The following NRG4 variants were observed in gnomAD, a reference collection of about 807,000 sequenced individuals.
NRG4 encodes the protein pro-neuregulin-4, membrane-bound isoform.
In NRG4, 10 loss-of-function variants were observed where a neutral mutation model predicts 15.0. The ratio of observed to expected loss-of-function variants is 0.67; its 90% CI spans 0.41 to 1.13. The LOEUF (loss-of-function observed/expected upper bound fraction) is 1.13. Among genes scored for constraint, NRG4 ranks in the 50% most tolerant of loss-of-function variants. The pLI is 0.00. For synonymous variants in NRG4, 41 were observed against 50.1 expected (o/e 0.82, Z 0.77); for missense variants, 139 against 140.2 (o/e 0.99, Z 0.04).
chr15:76,011,267 G>A lies in NRG4; in HGVS notation c.-37C>T. 2.1e-6 allele frequency: 3 copies of A among 1,422,994 alleles called. No individual in the cohort carries two copies. The highest frequency in any genetic ancestry group is 2.8e-6 in the Non-Finnish European group (3 of 1,079,480). 88.1% of individuals were successfully genotyped at this position (1,422,994 alleles called of 1,614,324 possible). ...AATAGTTTCATTCTTGGTCAAGAGA[G>A]TAGGGTTGAAAAACAGTACCTAAAA... On this transcript the variant is annotated 5_prime_UTR_variant, in exon 2 of 6. Transcript: ENST00000394907.
At chr15:75,967,848 T>A (rs2032890435) in intron 3 of NRG4, among the ~76,000 whole-genome samples, 1 of 152,208 alleles carries the variant, frequency 6.6e-6, no homozygotes, top group South Asian at 2.1e-4. Flanking sequence ...ATGAACTACA[T>A]GTTGTGTATA....
chr15:75,935,951 C>G (rs1293852647), downstream of NRG4: 1 of 151,968 alleles, frequency 6.6e-6, no homozygotes, highest in East Asian at 1.9e-4. Flanking sequence ...CCGCGCCCGG[C>G]TAATTTTTTG....
intron 4 of NRG4, among the ~76,000 whole-genome samples, chr15:76,042,888 A>G (rs746832129): frequency 7.9e-5 from 12 of 152,112 alleles, no homozygotes; most frequent in Non-Finnish European, 1.5e-4. Flanking sequence ...CCGGGTTAAC[A>G]CTCATGCAAA....
At chr15:76,034,632 A>C (rs995116583) in intron 5 of NRG4, among the ~76,000 whole-genome samples, 2 of 152,058 alleles carry the variant, frequency 1.3e-5, no homozygotes, top group Non-Finnish European at 2.9e-5. Context: ...AAAAAAAAAA[A>C]ACACTTCCAA....
chr15:76,049,535 A>G lies in NRG4; in HGVS notation c.-105+2532T>C, dbSNP rs909591159. On this transcript the variant is annotated intron_variant, in intron 4 of 8. Transcript: ENST00000563910. The stretch of plus-strand genomic sequence containing the variant: ...TATTCATCAACAATATCTACTGGAA[A>G]GTCTGTTTCTTTGAGGACAAACCCT... 1.0e-4 allele frequency among the ~76,000 whole-genome samples: 15 copies of G among 150,408 alleles called. 2 individuals carry two copies. The highest frequency in any genetic ancestry group is 3.8e-4 in the African/African-American group (15 of 39,958).
chr15:75,941,546 T>C lies in NRG4; in HGVS notation c.*2092A>G, dbSNP rs1263539331. On this transcript the variant is annotated 3_prime_UTR_variant, in exon 6 of 6. Transcript: ENST00000394907. ...CCCAAATACCCAACAGATGAATGGA[T>C]AGACAAAATGTGTTATATCCATACA... 6.6e-6 allele frequency: 1 copy of C among 152,150 alleles called. No homozygotes were observed. Among genetic ancestry groups the C allele is most frequent in the African/African-American group, 2.4e-5 (1 of 41,436 alleles). The allele number at this position is 152,150 out of a possible 1,614,324, so 9.4% of individuals were successfully genotyped here. A position where few individuals can be genotyped will look rare whatever the true frequency, so the allele number is the denominator to read the frequency against.
chr15:76,027,497 A>AAT (rs71444947), intron 5 of NRG4, among the ~76,000 whole-genome samples: 9,168 of 148,564 alleles, frequency 0.062, 431 homozygotes, highest in African/African-American at 0.13. Flanking sequence ...ATAACAGTCA[A>AAT]ATATATATAT....
chr15:76,008,546 A>C (rs1019573668), intron 3 of NRG4, among the ~76,000 whole-genome samples: 7 of 152,170 alleles, frequency 4.6e-5, no homozygotes, highest in Non-Finnish European at 1.0e-4. Flanking sequence ...TAACTCATAT[A>C]CTAAAAGACG....
chr15:76,008,290 C>T (rs1303012066), intron 3 of NRG4, among the ~76,000 whole-genome samples: 1 of 152,040 alleles, frequency 6.6e-6, no homozygotes, highest in African/African-American at 2.4e-5. Flanking sequence ...TATGAGAAGC[C>T]CTAAAAACTT....
intron 3 of NRG4, among the ~76,000 whole-genome samples, chr15:75,994,983 G>A (rs1197584032): frequency 1.3e-5 from 2 of 152,064 alleles, no homozygotes; most frequent in Admixed American, 1.3e-4. Flanking sequence ...AACATAGGAA[G>A]TTCAAGTCCA....
rs138654319 is a variant in NRG4 at position 76,030,086 on chromosome 15, G to A, written c.-57+5858C>T. 6.9e-3 allele frequency among the ~76,000 whole-genome samples: 1,053 copies of A among 152,088 alleles called. 13 individuals carry two copies. The highest frequency in any genetic ancestry group is 0.023 in the African/African-American group (957 of 41,482). ...ATCCTGGCTAACACGGTGAAACCCC[G>A]CTTCTACTAAAAATACAAAAAATTA... On this transcript the variant is annotated intron_variant, in intron 5 of 8. Coordinates refer to the NRG4 transcript ENST00000563910.
At chr15:75,943,745 A>G in intron 5 of NRG4, 91 bp from the exon 6 acceptor site, 1 of 821,848 alleles carries the variant, frequency 1.2e-6, no homozygotes, top group East Asian at 2.5e-5. Context: ...TCTTCTTCAC[A>G]TATATAAGCC....
intron 4 of NRG4, among the ~76,000 whole-genome samples, chr15:76,047,882 G>T (rs958080581): frequency 6.6e-6 from 1 of 151,098 alleles, no homozygotes; most frequent in African/African-American, 2.5e-5. Context: ...GCAGCCAGAC[G>T]CAATGGCTTG....
chr15:75,992,616 C>T (rs187142282), intron 3 of NRG4, among the ~76,000 whole-genome samples: 54 of 152,216 alleles, frequency 3.5e-4, no homozygotes, highest in African/African-American at 9.6e-4. Context: ...TTTCATCTCC[C>T]CTGAAAGAAA....
intron 3 of NRG4, among the ~76,000 whole-genome samples, chr15:75,987,558 T>C (rs1485050350): frequency 6.6e-6 from 1 of 152,068 alleles, no homozygotes; most frequent in Non-Finnish European, 1.5e-5. Flanking sequence ...ACTTCCGCTC[T>C]CCCTCTCTCT....
At chr15:75,978,018 T>C (rs1390745437) in intron 3 of NRG4, among the ~76,000 whole-genome samples, 2 of 152,068 alleles carry the variant, frequency 1.3e-5, no homozygotes, top group Non-Finnish European at 2.9e-5. Flanking sequence ...GATTTCACCA[T>C]GTTGGCCAGG....
intron 3 of NRG4, chr15:75,969,162 T>C (rs924056935): frequency 1.5e-5 from 7 of 456,012 alleles, no homozygotes; most frequent in African/African-American, 1.0e-4. Flanking sequence ...AACCTTCTAA[T>C]GCAGGGAAAA....
At chr15:76,050,429 G>A (rs1429991316) in intron 4 of NRG4, among the ~76,000 whole-genome samples, 1 of 144,026 alleles carries the variant, frequency 6.9e-6, no homozygotes, top group Non-Finnish European at 1.5e-5. Flanking sequence ...TTGTCACCCC[G>A]AGCCTTCGTT....
intron 4 of NRG4, among the ~76,000 whole-genome samples, chr15:76,037,545 G>A (rs2035623413): frequency 6.6e-6 from 1 of 152,182 alleles, no homozygotes; most frequent in Non-Finnish European, 1.5e-5. Context: ...CCAGCAGCTG[G>A]AACTTGAGTT....
Sources: gnomAD v4.1 joint callset for allele counts (sites outside exome capture counted in the v4.1 genomes callset) on GRCh38, gnomAD v4.1.1 for gene constraint, MANE v1.5 for transcripts, NCBI Gene and HGNC (gene_info 2026-07-23, HGNC 2026-07-21) for gene names.